The following CREBBP variants were observed in gnomAD, a reference collection of about 807,000 sequenced individuals.
CREBBP encodes CREB binding lysine acetyltransferase.
CREBBP carries 19 observed loss-of-function variants against 265.0 expected under a neutral mutation model. That is an observed-to-expected ratio of 0.07 (90% confidence interval 0.05 to 0.11). CREBBP has a LOEUF of 0.11. Among genes scored for constraint, CREBBP ranks in the 10% least tolerant of loss-of-function variants. The pLI is 1.00. For synonymous variants in CREBBP, 1,457 were observed against 1,223.7 expected, an observed-to-expected ratio of 1.19 and a Z score of -3.98; for missense variants, 2,525 against 3,219.0, an observed-to-expected ratio of 0.78 and a Z score of 5.22.
intron 28 of CREBBP, among the ~76,000 whole-genome samples, chr16:3,734,157 C>T (rs2051990919): frequency 6.6e-6 from 1 of 152,132 alleles, no homozygotes; most frequent in African/African-American, 2.4e-5. Flanking sequence ...CTCGCCCCAC[C>T]TGACACTATC....
Position 3,770,973 on chromosome 16 carries a change from C to T in CREBBP, c.2477G>A (p.Gly826Asp), listed in dbSNP as rs2141204723. 6.2e-7 allele frequency: 1 copy of T among 1,613,470 alleles called. No homozygotes were observed. The highest frequency in any genetic ancestry group is 8.5e-7 in the Non-Finnish European group (1 of 1,179,978). Residue 826 changes from glycine (G) to aspartate (D), a missense_variant, in exon 14 of 31, where the codon GGT becomes GAT. By Grantham distance (94) the Gly-to-Asp change is moderately conservative. Transcript: ENST00000262367. ...GTTGAGAGGGTTAGGAAGAGCAGCA[C>T]CAGGCACCTGTCCCTACCAGAAATG... ...QTGVSQGQVP[G>D]AALPNPLNML...
chr16:3,872,856 A>G (rs1343728583), intron 1 of CREBBP, among the ~76,000 whole-genome samples: 4 of 152,378 alleles, frequency 2.6e-5, no homozygotes, highest in Admixed American at 2.6e-4. Context: ...CTGGCTCAGC[A>G]GAAGAGCTGT....
At chr16:3,793,217 C>CACCT (rs1313169610) in intron 4 of CREBBP, among the ~76,000 whole-genome samples, 169 bp downstream of exon 4, 6 of 152,324 alleles carry the variant, frequency 3.9e-5, no homozygotes, top group Non-Finnish European at 8.8e-5. Flanking sequence ...CTTCCTGGAG[C>CACCT]ACCTGACTGT....
At chr16:3,864,611 G>C (rs886775534) in intron 1 of CREBBP, among the ~76,000 whole-genome samples, 1 of 152,158 alleles carries the variant, frequency 6.6e-6, no homozygotes, top group Admixed American at 6.5e-5. Context: ...TCACGTCACT[G>C]CACTCCATCC....
chr16:3,852,273 A>G (rs1462933768), intron 1 of CREBBP, among the ~76,000 whole-genome samples: 1 of 132,922 alleles, frequency 7.5e-6, no homozygotes, highest in Non-Finnish European at 1.5e-5. Flanking sequence ...GGTTCACGCC[A>G]CTGTCCTGCC....
chr16:3,849,567 C>T (rs1597051692), intron 2 of CREBBP, among the ~76,000 whole-genome samples: 3 of 128,040 alleles, frequency 2.3e-5, no homozygotes, highest in East Asian at 2.5e-4. Context: ...GACAGGGTTT[C>T]GCCACATTGC....
intron 2 of CREBBP, among the ~76,000 whole-genome samples, chr16:3,829,514 G>A (rs2054300831): frequency 6.6e-6 from 1 of 152,158 alleles, no homozygotes; most frequent in Admixed American, 6.5e-5. Context: ...TCCAGAGGTG[G>A]CACAGTGCTA....
At chr16:3,736,613 G>A (rs761951819) in intron 27 of CREBBP, 37 bp downstream of exon 27, 5 of 1,613,884 alleles carry the variant, frequency 3.1e-6, no homozygotes, top group Non-Finnish European at 4.2e-6. Flanking sequence ...CCCCTCAGTT[G>A]TGACAAAAGC....
intron 7 of CREBBP, 74 bp downstream of exon 7, chr16:3,781,129 GA>G: frequency 1.5e-6 from 2 of 1,376,864 alleles, no homozygotes; most frequent in Non-Finnish European, 1.0e-6. Context: ...CACACATTTA[GA>G]AAGAATCAGT....
rs746430942 is a variant in CREBBP, at chr16:3,757,833, G to A, written c.3585C>T (p.Ser1195=). 5.0e-6 allele frequency: 8 copies of A among 1,613,946 alleles called. No individual in the cohort carries two copies. Residue 1195 remains serine, a synonymous_variant, in exon 18 of 31, where the codon TCC becomes TCT. Coordinates refer to ENST00000262367, the MANE Select transcript of CREBBP (RefSeq NM_004380.3). ...FEQEIDPVMQ[S]LGYCCGRKYE... ...CCTTGCGTCCACAGCAATATCCAAG[G>A]GACTGCATGACAGGGTCAATTTCCT...
intron 28 of CREBBP, among the ~76,000 whole-genome samples, chr16:3,734,800 G>A (rs1389451444): frequency 1.3e-5 from 2 of 152,102 alleles, no homozygotes; most frequent in African/African-American, 4.8e-5. Context: ...GGCGGAAGCG[G>A]CCCAGGCCCC....
At chr16:3,784,823 C>T (rs2053350049) in intron 5 of CREBBP, among the ~76,000 whole-genome samples, 3 of 152,242 alleles carry the variant, frequency 2.0e-5, no homozygotes, top group Admixed American at 1.3e-4. Context: ...ACAGCACTTA[C>T]AGGGCAGCCA....
At chr16:3,873,771 C>T (rs987024509) in intron 1 of CREBBP, among the ~76,000 whole-genome samples, 1 of 152,074 alleles carries the variant, frequency 6.6e-6, no homozygotes, top group South Asian at 2.1e-4. Flanking sequence ...GTTTGGTGGC[C>T]GGGTGGGAGC....
At position 3,731,384 on chromosome 16, in the gene CREBBP, G is replaced by A. The variant is rs987038851; in HGVS notation, c.4980C>T (p.Leu1660=). 9 of 1,612,156 alleles carry A rather than the reference G, an allele frequency of 5.6e-6. No homozygotes were observed. Among genetic ancestry groups the A allele is most frequent in the Non-Finnish European group, 7.6e-6 (9 of 1,179,372 alleles). The part of the protein sequence containing the change: ...VDPDPLLSCD[L]MDGRDAFLTL... ...TGAGGAAGGCGTCGCGCCCATCCAT[G>A]AGGTCACAGCTGAGCAGGGGGTCGG... Residue 1660 remains leucine, a synonymous_variant, in exon 30 of 31, where the codon CTC becomes CTT. Coordinates refer to ENST00000262367, the MANE Select transcript of CREBBP (RefSeq NM_004380.3). This position sits in a 1 kb window ranked among gnomAD's most constrained non-coding sequence, Gnocchi z 7.7.
intron 2 of CREBBP, among the ~76,000 whole-genome samples, chr16:3,821,350 G>C (rs1424127874): frequency 1.3e-5 from 2 of 152,204 alleles, no homozygotes; most frequent in African/African-American, 4.8e-5. Context: ...CCCTCACCAT[G>C]GCAATCCTCC....
chr16:3,786,420 T>C (rs2053389238), intron 5 of CREBBP, among the ~76,000 whole-genome samples: 1 of 152,194 alleles, frequency 6.6e-6, no homozygotes, highest in Non-Finnish European at 1.5e-5. Context: ...CAGTCTATGT[T>C]GCTGATGCAA....
chr16:3,821,122 A>G (rs1482671350), intron 2 of CREBBP, among the ~76,000 whole-genome samples: 1 of 152,220 alleles, frequency 6.6e-6, no homozygotes, highest in Non-Finnish European at 1.5e-5. Flanking sequence ...TTGGTCCCTC[A>G]GTTTTCCTTA....
In CREBBP at chr16:3,767,598, G is replaced by T. The variant is rs528494861; in HGVS notation, c.3250+122C>A. The T allele has an allele frequency of 1.1e-5, 15 of 1,341,382 alleles. No individual in the cohort carries two copies. The African/African-American group carries it at 2.2e-4, about 19-fold the overall frequency. 83.1% of individuals were successfully genotyped at this position (1,341,382 alleles called of 1,614,324 possible). A position where few individuals can be genotyped will look rare whatever the true frequency, so the allele number is the denominator to read the frequency against. ...GCAGGGGAAAGTCTGGGGAATGGCA[G>T]GCAAGAAAGGTAAAAGGGCAGATAG... is the stretch of plus-strand genomic sequence containing the variant. On this transcript the variant is annotated intron_variant, in intron 16 of 30. Coordinates refer to ENST00000262367, the MANE Select transcript of CREBBP (RefSeq NM_004380.3).
intron 2 of CREBBP, among the ~76,000 whole-genome samples, chr16:3,838,270 G>A (rs1190619900): frequency 6.6e-6 from 1 of 152,166 alleles, no homozygotes; most frequent in Non-Finnish European, 1.5e-5. Context: ...GTAACATGAT[G>A]TACAGATTTA....
Sources: allele counts gnomAD v4.1 joint callset (sites outside exome capture counted in the v4.1 genomes callset), GRCh38; gene constraint gnomAD v4.1.1; non-coding constraint Gnocchi (gnomAD v3.1); transcripts MANE v1.5; gene names NCBI Gene and HGNC (gene_info 2026-07-23, HGNC 2026-07-21).